INSR: variants seen among roughly 807,000 people sequenced by gnomAD.
INSR encodes insulin receptor.
In INSR, 67 loss-of-function variants were observed where a neutral mutation model predicts 142.6. The ratio of observed to expected loss-of-function variants is 0.47; its 90% CI spans 0.39 to 0.58. INSR has a LOEUF of 0.58. INSR is among the 20% of genes least tolerant of loss of function. The probability of loss-of-function intolerance (pLI) is 0.00; values close to 1 mark genes in which losing one functional copy is unlikely to be tolerated. For synonymous variants in INSR, 756 were observed against 743.1 expected, an observed-to-expected ratio of 1.02 and a Z score of -0.28; for missense variants, 1,248 against 1,833.2, an observed-to-expected ratio of 0.68 and a Z score of 5.83.
chr19:7,282,972 C>T (rs1326365032), intron 1 of INSR, among the ~76,000 whole-genome samples: 1 of 77,816 alleles, frequency 1.3e-5, no homozygotes, highest in East Asian at 3.3e-4. Flanking sequence ...GACTCCGCCT[C>T]AAAAAAAGTA....
Position 7,125,234 on chromosome 19 carries a change from A to C in INSR, c.3258+49T>G, listed in dbSNP as rs368540527. The C allele has an allele frequency of 4.8e-5, 78 of 1,611,882 alleles. No homozygotes were observed. The African/African-American group carries it at 9.9e-4, about 20-fold the overall frequency. On this transcript the variant is annotated intron_variant, in intron 17 of 21. Coordinates refer to ENST00000302850, the MANE Select transcript of INSR (RefSeq NM_000208.4). This position sits in a 1 kb window ranked among gnomAD's most constrained non-coding sequence, Gnocchi z 4.9. ...CTGTGCAGGAGGAGGAGGCAGAGAA[A>C]GGGAAGGGTCAGGAAAGCCAGCCCA...
chr19:7,167,968 G>A lies in INSR; in HGVS notation c.1610C>T (p.Ala537Val), dbSNP rs201978448. The change falls in exon 7 of 22, where the codon GCC becomes GTC. Residue 537 changes from alanine to valine, a missense_variant and splice_region_variant. Coordinates refer to ENST00000302850, the MANE Select transcript of INSR (RefSeq NM_000208.4). Reference protein sequence around the residue: ...LLGFMLFYKEAPYQNVTEFDG... With the variant: ...LLGFMLFYKEVPYQNVTEFDG... The stretch of plus-strand genomic sequence containing the variant: ...GCGTCTCTCTAACTCTTCTACTTAC[G>A]CCTCTTTGTAGAACAGCATGAACCC... 2.3e-5 allele frequency: 37 copies of A among 1,613,784 alleles called. No individual in the cohort carries two copies. Among genetic ancestry groups the A allele is most frequent in the South Asian group, 1.3e-4 (12 of 91,062 alleles).
At chr19:7,288,969 A>T (rs1767035722) in intron 1 of INSR, among the ~76,000 whole-genome samples, 1 of 150,580 alleles carries the variant, frequency 6.6e-6, no homozygotes, top group Non-Finnish European at 1.5e-5. Flanking sequence ...AAAAAAAAAA[A>T]AGTGAGCTGA....
At chr19:7,292,483 G>GGC in intron 1 of INSR, among the ~76,000 whole-genome samples, 1 of 127,990 alleles carries the variant, frequency 7.8e-6, no homozygotes, top group African/African-American at 2.8e-5. Flanking sequence ...GGGGGGGTGG[G>GGC]CCCGGGGCTT....
At chr19:7,193,439 G>A (rs1974654154) in intron 2 of INSR, among the ~76,000 whole-genome samples, 1 of 151,466 alleles carries the variant, frequency 6.6e-6, no homozygotes, top group Non-Finnish European at 1.5e-5. Context: ...CTGAACCTGG[G>A]GAGCGGAAGT....
intron 3 of INSR, among the ~76,000 whole-genome samples, chr19:7,177,923 T>C (rs1183029431): frequency 6.6e-6 from 1 of 151,860 alleles, no homozygotes; most frequent in Non-Finnish European, 1.5e-5. Flanking sequence ...CATTTCTTCA[T>C]CTGAAAATAA....
rs1234294627 is a variant in INSR, at chr19:7,167,827, A to G, written c.1610+141T>C. 4 of 1,046,756 alleles carry G rather than the reference A, an allele frequency of 3.8e-6. No individual in the cohort carries two copies. The African/African-American group carries it at 6.4e-5, about 17-fold the overall frequency. 64.8% of individuals were successfully genotyped at this position (1,046,756 alleles called of 1,614,324 possible). A position where few individuals can be genotyped will look rare whatever the true frequency, so the allele number is the denominator to read the frequency against. The stretch of plus-strand genomic sequence containing the variant: ...CATGCCATCGACTGGTGAGATTGTA[A>G]AAAGGAACCTAAGATATTTATTCCA... On this transcript the variant is annotated intron_variant, in intron 7 of 21. Transcript: ENST00000302850.
At chr19:7,292,088 C>CT (rs1285320461) in intron 1 of INSR, among the ~76,000 whole-genome samples, 1 of 101,898 alleles carries the variant, frequency 9.8e-6, no homozygotes, top group African/African-American at 3.6e-5. Flanking sequence ...CCACCACGCC[C>CT]CGCCTTTTTT....
intron 10 of INSR, chr19:7,152,346 A>T (rs1369099621): frequency 1.3e-5 from 4 of 318,018 alleles, no homozygotes; most frequent in Middle Eastern, 1.1e-3. Context: ...GCACCACCGC[A>T]CTCCAGCCTG....
Position 7,141,661 on chromosome 19 carries a change from G to C in INSR, c.2682+16C>G. The C allele has an allele frequency of 1.2e-6, 2 of 1,614,096 alleles. No individual in the cohort carries two copies. The highest frequency in any genetic ancestry group is 1.7e-4 in the Middle Eastern group (1 of 6,060). ...CTGAAGTGTGCAGGGGCATGCCCAAGAGTCAAGGGCCTTACCTCATCACCA... is the reference window on the plus strand; with the variant it reads ...CTGAAGTGTGCAGGGGCATGCCCAACAGTCAAGGGCCTTACCTCATCACCA... On this transcript the variant is annotated intron_variant, in intron 13 of 21. Coordinates refer to ENST00000302850, the MANE Select transcript of INSR (RefSeq NM_000208.4).
intron 2 of INSR, among the ~76,000 whole-genome samples, chr19:7,212,843 T>A (rs577761299): frequency 3.3e-5 from 5 of 151,792 alleles, no homozygotes; most frequent in African/African-American, 1.2e-4. Flanking sequence ...AACCTCAGCC[T>A]CCCAAAGTGC....
chr19:7,169,122 G>A (rs111395085), intron 6 of INSR, among the ~76,000 whole-genome samples: 2 of 152,296 alleles, frequency 1.3e-5, no homozygotes, highest in African/African-American at 4.8e-5. Flanking sequence ...CCGTCCCTTT[G>A]CAATGCAGAA....
chr19:7,195,107 CTT>C (rs1974710400), intron 2 of INSR, among the ~76,000 whole-genome samples: 1 of 152,104 alleles, frequency 6.6e-6, no homozygotes, highest in African/African-American at 2.4e-5. Flanking sequence ...TTGTGGGAAA[CTT>C]TTCATTCAGG....
chr19:7,278,175 C>G (rs908040109), intron 1 of INSR, among the ~76,000 whole-genome samples: 1 of 152,010 alleles, frequency 6.6e-6, no homozygotes, highest in Non-Finnish European at 1.5e-5. Context: ...CAGATGGAAA[C>G]AGTGAACCAG....
chr19:7,154,791 G>A (rs1405137148), intron 9 of INSR, among the ~76,000 whole-genome samples: 2 of 151,932 alleles, frequency 1.3e-5, no homozygotes, highest in Non-Finnish European at 2.9e-5. Context: ...GGGCGTGGTG[G>A]TGGGTGCCTG....
At chr19:7,234,431 G>C (rs4470256) in intron 2 of INSR, among the ~76,000 whole-genome samples, 116,503 of 152,110 alleles carry the variant, frequency 0.77, 45,007 homozygotes, top group East Asian at 0.94. Context: ...TGGTCTTGAA[G>C]TCCTGGGCTC....
intron 2 of INSR, among the ~76,000 whole-genome samples, chr19:7,190,369 GTTTTTTTTTTTTT>G (rs34757652): frequency 1.9e-5 from 2 of 102,714 alleles, no homozygotes; most frequent in Admixed American, 2.1e-4. Context: ...TTCTTTGGTG[GTTTTTTTTTTTTT>G]TTTTTTTTGA....
At chr19:7,155,107 C>A (rs778052535) in intron 9 of INSR, among the ~76,000 whole-genome samples, 4 of 152,006 alleles carry the variant, frequency 2.6e-5, no homozygotes, top group Non-Finnish European at 4.4e-5. Context: ...ATGAAGGGGT[C>A]TCAAAGAAAG....
chr19:7,193,069 A>G (rs1974643171), intron 2 of INSR, among the ~76,000 whole-genome samples: 2 of 152,158 alleles, frequency 1.3e-5, no homozygotes, highest in African/African-American at 4.8e-5. Flanking sequence ...CAAAGGAACG[A>G]ATCTTGCACC....
Sources: allele counts gnomAD v4.1 joint callset (sites outside exome capture counted in the v4.1 genomes callset), GRCh38; gene constraint gnomAD v4.1.1; non-coding constraint Gnocchi (gnomAD v3.1); transcripts MANE v1.5; gene names NCBI Gene and HGNC (gene_info 2026-07-23, HGNC 2026-07-21).